The following DDX51 variants were observed in gnomAD, a reference collection of about 807,000 sequenced individuals.
DDX51 encodes DEAD-box helicase 51.
Under a neutral mutation model 74.6 loss-of-function variants are expected in DDX51, and 67 were observed. The observed-to-expected ratio is 0.90, with a 90% CI of 0.74 to 1.10. The LOEUF (loss-of-function observed/expected upper bound fraction) is 1.10. Among genes scored for constraint, DDX51 ranks in the 50% least tolerant of loss-of-function variants. DDX51 has a pLI of 0.00. For missense variants in DDX51, 1,056 were observed against 905.2 expected (o/e 1.17, Z -2.14); for synonymous variants, 545 against 402.9 (o/e 1.35, Z -4.22).
rs758284752 is a variant in DDX51, at chr12:132,142,104, C to T, written c.888+15G>A. ...AGGCGGGCGGTGCCACGCTCCAGGT[C>T]TAGGGTCCACATACCTGCTGGGCCA... On this transcript the variant is annotated intron_variant, in intron 5 of 14. Coordinates refer to ENST00000397333, the MANE Select transcript of DDX51 (RefSeq NM_175066.4). The T allele has an allele frequency of 1.3e-6, 2 of 1,555,362 alleles. No homozygotes were observed. The highest frequency in any genetic ancestry group is 1.7e-6 in the Non-Finnish European group (2 of 1,151,042).
At chr12:132,143,150 C>A in intron 2 of DDX51, 1 of 488,908 alleles carries the variant, frequency 2.0e-6, no homozygotes, top group Non-Finnish European at 3.7e-6. Flanking sequence ...TGGCGCTCGC[C>A]TGCCCCAGCC....
At chr12:132,143,665 C>T (rs1212788455) in intron 2 of DDX51, 30 bp downstream of exon 2, 2 of 1,535,506 alleles carry the variant, frequency 1.3e-6, no homozygotes, top group Non-Finnish European at 1.7e-6. Flanking sequence ...CCCTCTCACG[C>T]CGACCACCCT....
chr12:132,139,296 T>C lies in DDX51; in HGVS notation c.1977A>G (p.Glu659=), dbSNP rs1186235773. Residue 659 remains glutamate (E), a splice_region_variant and synonymous_variant, in exon 15 of 15, where the codon GAA becomes GAG. Coordinates refer to ENST00000397333, the MANE Select transcript of DDX51 (RefSeq NM_175066.4). ...ALSQLEESVK[E]ERKQRAA The stretch of plus-strand genomic sequence containing the variant: ...CCTAGGCCGCCCTCTGCTTGCGCTC[T>C]TCCTGTGGAGGAAAGGGGAGGGCTC... The C allele has an allele frequency of 1.2e-6, 2 of 1,608,732 alleles. No individual in the cohort carries two copies. The highest frequency in any genetic ancestry group is 1.7e-6 in the Non-Finnish European group (2 of 1,178,650).
chr12:132,143,199 C>T (rs1295334470), intron 2 of DDX51: 6 of 435,962 alleles, frequency 1.4e-5, no homozygotes, highest in Non-Finnish European at 8.5e-6. Context: ...GCCTGGCACC[C>T]CCAACCCCCA....
Position 132,141,969 on chromosome 12 carries a change from T to G in DDX51, c.889-13A>C, listed in dbSNP as rs200761682. 10 of 1,612,230 alleles carry G rather than the reference T, an allele frequency of 6.2e-6. No homozygotes were observed. In the Admixed American group the frequency reaches 8.3e-5, roughly 13 times the overall value. On this transcript the variant is annotated splice_polypyrimidine_tract_variant and intron_variant, in intron 5 of 14. Transcript: ENST00000397333. The stretch of plus-strand genomic sequence containing the variant: ...AAACTTTGCTCACCTGCAGGAGAAG[T>G]CTGTCACTGGCCTGGAGGTAGCTGG...
intron 2 of DDX51, 155 bp downstream of exon 2, chr12:132,143,540 G>GA: frequency 1.0e-6 from 1 of 993,160 alleles, no homozygotes. Context: ...GCAGGATCCA[G>GA]ACCCCTAGGC....
chr12:132,137,972 C>G lies in DDX51; in HGVS notation c.*1300G>C, dbSNP rs573897056. The G allele has an allele frequency of 2.8e-4, 43 of 152,390 alleles. No individual in the cohort carries two copies. Among genetic ancestry groups the G allele is most frequent in the African/African-American group, 9.9e-4 (41 of 41,582 alleles). The allele number at this position is 152,390 out of a possible 1,614,324, so 9.4% of individuals were successfully genotyped here. On this transcript the variant is annotated 3_prime_UTR_variant, in exon 15 of 15. Transcript: ENST00000397333. ...GCCGGAGCCTTCCTTCAGTTAGCGT[C>G]AGGTTCCGGGTTCATCCACGGGGTG...
chr12:132,140,398 G>A (rs749754283), intron 11 of DDX51, 25 bp downstream of exon 11: 12 of 1,611,876 alleles, frequency 7.4e-6, no homozygotes, highest in South Asian at 6.6e-5. Flanking sequence ...CCCCACAGAG[G>A]CCTTGCCCCT....
Position 132,137,842 on chromosome 12 carries a change from C to T in DDX51, c.*1430G>A, listed in dbSNP as rs1457749712. On this transcript the variant is annotated 3_prime_UTR_variant, in exon 15 of 15. Transcript: ENST00000397333. ...AACCTAAGAACATTTTCATCATCCCCAAAACAAACCCACACACTGGCCACT... is the reference window on the plus strand; with the variant it reads ...AACCTAAGAACATTTTCATCATCCCTAAAACAAACCCACACACTGGCCACT... The T allele has an allele frequency of 6.6e-6, 1 of 152,216 alleles. No homozygotes were observed. The highest frequency in any genetic ancestry group is 1.5e-5 in the Non-Finnish European group (1 of 68,080). The allele number at this position is 152,216 out of a possible 1,614,324, so 9.4% of individuals were successfully genotyped here.
intron 13 of DDX51, 27 bp from the exon 14 acceptor site, chr12:132,139,796 G>C: frequency 6.2e-7 from 1 of 1,612,884 alleles, no homozygotes; most frequent in Non-Finnish European, 8.5e-7. Context: ...GGTGGAAGGG[G>C]GTTCTTGGGC....
chr12:132,142,106 A>G lies in DDX51; in HGVS notation c.888+13T>C. On this transcript the variant is annotated intron_variant, in intron 5 of 14. Transcript: ENST00000397333. The stretch of plus-strand genomic sequence containing the variant: ...GCGGGCGGTGCCACGCTCCAGGTCT[A>G]GGGTCCACATACCTGCTGGGCCAGC... 1 of 1,555,320 alleles carries G rather than the reference A, an allele frequency of 6.4e-7. No individual in the cohort carries two copies. The highest frequency in any genetic ancestry group is 2.2e-5 in the East Asian group (1 of 44,454).
chr12:132,143,031 A>G lies in DDX51; in HGVS notation c.520-153T>C, dbSNP rs532877510. ...AGGATGCGCTTTCCATACAGCCTTCAGAAGTTAAACAGTAAAAGCAGATGC... is the reference window on the plus strand; with the variant it reads ...AGGATGCGCTTTCCATACAGCCTTCGGAAGTTAAACAGTAAAAGCAGATGC... On this transcript the variant is annotated intron_variant, in intron 2 of 14. Coordinates refer to ENST00000397333, the MANE Select transcript of DDX51 (RefSeq NM_175066.4). 3,835 of 1,001,854 alleles carry G rather than the reference A, an allele frequency of 3.8e-3. 8 individuals carry two copies. The highest frequency in any genetic ancestry group is 4.9e-3 in the Non-Finnish European group (3,328 of 675,872). The allele number at this position is 1,001,854 out of a possible 1,614,324, so 62.1% of individuals were successfully genotyped here. A position where few individuals can be genotyped will look rare whatever the true frequency, so the allele number is the denominator to read the frequency against.
chr12:132,143,649 A>T, intron 2 of DDX51, 46 bp downstream of exon 2: 1 of 1,531,038 alleles, frequency 6.5e-7, no homozygotes, highest in East Asian at 2.5e-5. Context: ...GAATCCGCGC[A>T]GCCTACCCTC....
At chr12:132,143,047 A>C (rs1018624710) in intron 2 of DDX51, 169 bp from the exon 3 acceptor site, 40 of 820,614 alleles carry the variant, frequency 4.9e-5, no homozygotes, top group Non-Finnish European at 7.2e-5. Flanking sequence ...TAAACAGTAA[A>C]AGCAGATGCC....
Position 132,140,093 on chromosome 12 carries a change from C to T in DDX51, c.1775+5G>A, listed in dbSNP as rs1897387484. 5 of 1,612,384 alleles carry T rather than the reference C, an allele frequency of 3.1e-6. No individual in the cohort carries two copies. In the African/African-American group the frequency reaches 5.3e-5, roughly 17 times the overall value. On this transcript the variant is annotated splice_donor_5th_base_variant and intron_variant, in intron 12 of 14. Transcript: ENST00000397333. ...CCCCCCAGTGGCCGCTGCGCCAGCG[C>T]TCACCGGTGCACGTAGGTTCTCAGG...
At position 132,140,143 on chromosome 12, in the gene DDX51, AC is replaced by A; in HGVS notation, c.1729del (p.Val577TrpfsTer2). The A allele has an allele frequency of 6.2e-7, 1 of 1,612,096 alleles. No individual in the cohort carries two copies. The highest frequency in any genetic ancestry group is 1.1e-5 in the South Asian group (1 of 91,020). On this transcript the variant is annotated frameshift_variant, in exon 12 of 15. Coordinates refer to ENST00000397333, the MANE Select transcript of DDX51 (RefSeq NM_175066.4). LOFTEE classifies it high-confidence loss of function. The stretch of plus-strand genomic sequence containing the variant: ...GTACTGGGGGGCGTCGTAGTTCACC[AC>A]CAGCTCCACACCCTGCACGTCGATG... ...RGIDVQGVEL[V>X]VNYDAPQYLR...
chr12:132,142,815 C>T lies in DDX51; in HGVS notation c.583G>A (p.Asp195Asn), dbSNP rs762839691. The change falls in exon 3 of 15, where the codon GAC becomes AAC. Residue 195 changes from aspartate (D) to asparagine (N), a missense_variant. By Grantham distance (23) the Asp-to-Asn change is conservative. Transcript: ENST00000397333. ...GGGATGTCCTCGATAGGAACCAGGTCTTCGGTGACATTCCTTCTGACACAG... is the reference window on the plus strand; with the variant it reads ...GGGATGTCCTCGATAGGAACCAGGTTTTCGGTGACATTCCTTCTGACACAG... ...PNCVRRNVTE[D>N]LVPIEDIPDV... is the part of the protein sequence containing the mutation. 22 of 1,613,074 alleles carry T rather than the reference C, an allele frequency of 1.4e-5. No homozygotes were observed. Among genetic ancestry groups the T allele is most frequent in the Non-Finnish European group, 1.8e-5 (21 of 1,180,022 alleles).
In DDX51 at chr12:132,138,180, T is replaced by C. The variant is rs1488441751; in HGVS notation, c.*1092A>G. On this transcript the variant is annotated 3_prime_UTR_variant, in exon 15 of 15. Coordinates refer to ENST00000397333, the MANE Select transcript of DDX51 (RefSeq NM_175066.4). ...ATTGATCTGGGGTGTACAAGGTGCA[T>C]AGGAGAGGAAGTGCTGGGTCATGAG... The C allele has an allele frequency of 1.3e-5, 2 of 152,376 alleles. No individual in the cohort carries two copies. The highest frequency in any genetic ancestry group is 2.4e-5 in the African/African-American group (1 of 41,474). 9.4% of individuals were successfully genotyped at this position (152,376 alleles called of 1,614,324 possible).
chr12:132,143,581 G>A (rs1321563229), intron 2 of DDX51, 114 bp downstream of exon 2: 12 of 1,364,844 alleles, frequency 8.8e-6, no homozygotes, highest in East Asian at 2.6e-5. Context: ...AGCGAGGCGC[G>A]GCTGTGACCC....
Sources: allele counts gnomAD v4.1 joint callset, GRCh38; gene constraint gnomAD v4.1.1; transcripts MANE v1.5; gene names NCBI Gene and HGNC (gene_info 2026-07-23, HGNC 2026-07-21).